Variants in DLG2 observed in about 807,000 individuals in gnomAD.
DLG2 encodes disks large homolog 2.
DLG2 carries 45 observed loss-of-function variants against 132.5 expected under a neutral mutation model. The ratio of observed to expected loss-of-function variants is 0.34; its 90% CI spans 0.27 to 0.44. The LOEUF is 0.44. Among genes scored for constraint, DLG2 ranks in the 20% least tolerant of loss-of-function variants. The pLI is 1.00. For synonymous variants in DLG2, 424 were observed against 419.6 expected, an observed-to-expected ratio of 1.01 and a Z score of -0.13; for missense variants, 1,045 against 1,196.9, an observed-to-expected ratio of 0.87 and a Z score of 1.87.
At chr11:83,471,283 T>C (rs537895659) in intron 24 of DLG2, among the ~76,000 whole-genome samples, 3 of 152,124 alleles carry the variant, frequency 2.0e-5, no homozygotes, top group African/African-American at 7.2e-5. Flanking sequence ...TAAAAAATAA[T>C]GTTTCAGTGG....
intron 3 of DLG2, among the ~76,000 whole-genome samples, chr11:85,416,841 G>A (rs981156769): frequency 5.3e-5 from 8 of 152,116 alleles, no homozygotes; most frequent in African/African-American, 1.2e-4. Context: ...AGAGCTTTTC[G>A]GCTGAGATGA....
chr11:84,069,561 C>T (rs956397806), intron 10 of DLG2, among the ~76,000 whole-genome samples: 13 of 152,180 alleles, frequency 8.5e-5, no homozygotes, highest in African/African-American at 1.2e-4. Context: ...AGGGCTTCTG[C>T]TCTCGTCTCT....
chr11:84,409,851 C>T (rs1167528781), intron 7 of DLG2, among the ~76,000 whole-genome samples: 2 of 152,176 alleles, frequency 1.3e-5, no homozygotes, highest in African/African-American at 4.8e-5. Context: ...ATTCCTCCCT[C>T]CCTTCACCGG....
rs148385930 is a variant in DLG2, at chr11:84,456,151, C to A, written c.519+78419G>T. 1.8e-4 allele frequency among the ~76,000 whole-genome samples: 28 copies of A among 151,416 alleles called. No homozygotes were observed. In the Middle Eastern group the frequency reaches 0.01, roughly 55 times the overall value. On this transcript the variant is annotated intron_variant, in intron 7 of 27. Coordinates refer to ENST00000376104, the MANE Select transcript of DLG2 (RefSeq NM_001142699.3). The stretch of plus-strand genomic sequence containing the variant: ...GATAAGGCAACTTACATTCCCTCAG[C>A]TCATTCACTGAAGCTGCATGGACCA...
intron 3 of DLG2, among the ~76,000 whole-genome samples, chr11:85,499,428 G>T (rs1452958750): frequency 6.6e-6 from 1 of 152,088 alleles, no homozygotes; most frequent in East Asian, 1.9e-4. Flanking sequence ...ACCAATAATA[G>T]GTTCTGAAAT....
At chr11:85,369,113 G>A (rs2084775212) in intron 3 of DLG2, among the ~76,000 whole-genome samples, 1 of 152,072 alleles carries the variant, frequency 6.6e-6, no homozygotes, top group African/African-American at 2.4e-5. Flanking sequence ...GACTACTGAG[G>A]GTGGGGGAAA....
intron 6 of DLG2, among the ~76,000 whole-genome samples, chr11:84,956,088 A>G (rs143956209): frequency 2.7e-3 from 409 of 152,260 alleles, no homozygotes; most frequent in Non-Finnish European, 3.4e-3. Flanking sequence ...ATGATTTCAG[A>G]TATCTCTAAA....
At chr11:84,172,168 G>T (rs910824913) in intron 8 of DLG2, among the ~76,000 whole-genome samples, 1 of 152,138 alleles carries the variant, frequency 6.6e-6, no homozygotes, top group African/African-American at 2.4e-5. Flanking sequence ...GCTTTGTTTA[G>T]AACCTGTTTT....
At chr11:84,291,013 G>A (rs1226389330) in intron 7 of DLG2, among the ~76,000 whole-genome samples, 1 of 152,096 alleles carries the variant, frequency 6.6e-6, no homozygotes, top group Non-Finnish European at 1.5e-5. Context: ...GCAATTAAAA[G>A]TGTTATTTGG....
chr11:83,845,479 A>G (rs1174827102), intron 16 of DLG2, among the ~76,000 whole-genome samples: 1 of 152,166 alleles, frequency 6.6e-6, no homozygotes, highest in Non-Finnish European at 1.5e-5. Flanking sequence ...TAATCAGTCA[A>G]ACAGATTATT....
At chr11:84,860,723 G>A (rs975510215) in intron 6 of DLG2, among the ~76,000 whole-genome samples, 3 of 151,942 alleles carry the variant, frequency 2.0e-5, no homozygotes, top group Non-Finnish European at 4.4e-5. Flanking sequence ...ACTGGCACTT[G>A]GCAAGTAGCT....
intron 19 of DLG2, among the ~76,000 whole-genome samples, chr11:83,579,315 C>G (rs1374559980): frequency 1.3e-5 from 2 of 152,174 alleles, no homozygotes; most frequent in Non-Finnish European, 2.9e-5. Flanking sequence ...ATATTATGCT[C>G]TATTTTCTCA....
chr11:84,366,261 G>A (rs976326608), intron 7 of DLG2, among the ~76,000 whole-genome samples: 25 of 152,062 alleles, frequency 1.6e-4, no homozygotes, highest in African/African-American at 6.0e-4. Flanking sequence ...ACAAGCAAAT[G>A]CTGAGAGATT....
chr11:83,650,253 G>A (rs1319366114), intron 18 of DLG2, among the ~76,000 whole-genome samples: 1 of 152,142 alleles, frequency 6.6e-6, no homozygotes, highest in African/African-American at 2.4e-5. Context: ...TTTTGAGATG[G>A]GGAGATTTTC....
At chr11:84,824,652 G>C (rs560472664) in intron 6 of DLG2, among the ~76,000 whole-genome samples, 9 of 151,858 alleles carry the variant, frequency 5.9e-5, no homozygotes, top group Admixed American at 2.0e-4. Context: ...CCATTTGTAT[G>C]GAAAAACTGA....
At chr11:84,126,071 G>A (rs2094156814) in intron 9 of DLG2, among the ~76,000 whole-genome samples, 1 of 152,026 alleles carries the variant, frequency 6.6e-6, no homozygotes, top group Non-Finnish European at 1.5e-5. Context: ...AATCCCGTTT[G>A]ATTAAACAAC....
intron 3 of DLG2, among the ~76,000 whole-genome samples, chr11:85,335,405 C>T (rs1565340286): frequency 6.6e-6 from 1 of 152,104 alleles, no homozygotes; most frequent in Non-Finnish European, 1.5e-5. Context: ...GGGCATTTAG[C>T]CCATTTACCT....
intron 7 of DLG2, among the ~76,000 whole-genome samples, chr11:84,446,259 GTTT>G (rs1039573812): frequency 2.0e-5 from 3 of 151,518 alleles, no homozygotes; most frequent in African/African-American, 7.3e-5. Context: ...ATCATGTTCT[GTTT>G]TTATTATGAT....
intron 4 of DLG2, among the ~76,000 whole-genome samples, chr11:85,210,874 G>C (rs116451073): frequency 0.011 from 1,681 of 151,910 alleles, 24 homozygotes; most frequent in African/African-American, 0.038. Flanking sequence ...CATTTCACAG[G>C]CTTCAGACCT....
Sources: gnomAD v4.1 joint callset for allele counts (sites outside exome capture counted in the v4.1 genomes callset) on GRCh38, gnomAD v4.1.1 for gene constraint, MANE v1.5 for transcripts, NCBI Gene and HGNC (gene_info 2026-07-23, HGNC 2026-07-21) for gene names.